Variants in NLRC4 observed in about 807,000 individuals in gnomAD.
NLRC4 encodes NLR family CARD domain containing 4.
In NLRC4, 63 loss-of-function variants were observed where a neutral mutation model predicts 79.9. The ratio of observed to expected loss-of-function variants is 0.79; its 90% CI spans 0.64 to 0.97. The LOEUF (loss-of-function observed/expected upper bound fraction) is 0.97. Among genes scored for constraint, NLRC4 ranks in the 50% least tolerant of loss-of-function variants. The probability of loss-of-function intolerance (pLI) is 0.00; values close to 1 mark genes in which losing one functional copy is unlikely to be tolerated. For synonymous variants in NLRC4, 461 were observed against 456.5 expected, an observed-to-expected ratio of 1.01 and a Z score of -0.12; for missense variants, 1,074 against 1,215.2, an observed-to-expected ratio of 0.88 and a Z score of 1.73.
In NLRC4 at chr2:32,235,552, C is replaced by T. The variant is rs544474213; in HGVS notation, c.2631G>A (p.Val877=). The change falls in exon 8 of 9, where the codon GTG becomes GTA. Residue 877 remains valine (V), a synonymous_variant. Coordinates refer to ENST00000402280, the MANE Select transcript of NLRC4 (RefSeq NM_001199138.2). ...ALHELIDRMN[V]LEQLTALMLP... ...GCATCAGTGCGGTGAGCTGTTCTAG[C>T]ACGTTCATCCTGTCGACTGGAAGAA... 4 of 1,613,730 alleles carry T rather than the reference C, an allele frequency of 2.5e-6. No individual in the cohort carries two copies. Among genetic ancestry groups the T allele is most frequent in the Admixed American group, 1.7e-5 (1 of 59,994 alleles).
intron 8 of NLRC4, among the ~76,000 whole-genome samples, chr2:32,229,219 C>T (rs191075478): frequency 9.0e-4 from 136 of 151,542 alleles, no homozygotes; most frequent in Middle Eastern, 3.4e-3. Context: ...CACTTGAGGT[C>T]GGGAGTTTGA....
Position 32,250,997 on chromosome 2 carries a change from C to G in NLRC4, c.867G>C (p.Gln289His). 6.2e-7 allele frequency: 1 copy of G among 1,614,190 alleles called. No homozygotes were observed. The highest frequency in any genetic ancestry group is 8.5e-7 in the Non-Finnish European group (1 of 1,180,040). ...TTTECLRHIR[Q>H]FGALTAEVGD... ...CCACCTCAGCAGTCAGGGCACCAAA[C>G]TGCCGTATGTGCCTCAGGCACTCAG... Residue 289 changes from glutamine (Q) to histidine (H), a missense_variant, in exon 4 of 9, where the codon CAG becomes CAC. Coordinates refer to ENST00000402280, the MANE Select transcript of NLRC4 (RefSeq NM_001199138.2). The surrounding 1 kb of genome is among the most constrained non-coding windows in gnomAD (Gnocchi z 4.9).
chr2:32,259,912 G>A (rs1687298674), intron 1 of NLRC4, among the ~76,000 whole-genome samples: 1 of 152,096 alleles, frequency 6.6e-6, no homozygotes, highest in African/African-American at 2.4e-5. Flanking sequence ...TCATTGCTTA[G>A]TAGTATTGTA....
At position 32,243,177 on chromosome 2, in the gene NLRC4, G is replaced by A. The variant is rs757734381; in HGVS notation, c.2258-2052C>T. Among the ~76,000 whole-genome samples the A allele has an allele frequency of 5.3e-5, 8 of 152,074 alleles. No individual in the cohort carries two copies. The East Asian group carries it at 1.3e-3, about 26-fold the overall frequency. On this transcript the variant is annotated intron_variant, in intron 4 of 8. Transcript: ENST00000402280. ...TGTAATCCCAGCACTTTGGGAGGGC[G>A]AGGCAGGCAAATCACGAGGTCAGGA...
At chr2:32,254,881 G>A (rs1223139293) in intron 2 of NLRC4, among the ~76,000 whole-genome samples, 1 of 151,728 alleles carries the variant, frequency 6.6e-6, no homozygotes, top group East Asian at 1.9e-4. Flanking sequence ...GCTTCCCAAA[G>A]TGCTAGGATT....
chr2:32,237,777 A>C lies in NLRC4; in HGVS notation c.2521+355T>G, dbSNP rs994959926. Among the ~76,000 whole-genome samples, 5 of 152,288 alleles carry C rather than the reference A, an allele frequency of 3.3e-5. No homozygotes were observed. The East Asian group carries it at 5.8e-4, about 18-fold the overall frequency. On this transcript the variant is annotated intron_variant, in intron 6 of 8. Coordinates refer to ENST00000402280, the MANE Select transcript of NLRC4 (RefSeq NM_001199138.2). ...CCTGAGATCATTTAAGAAAATCTTT[A>C]TCTCTCACTTCTCAATCATTTATCC...
Position 32,249,999 on chromosome 2 carries a change from G to A in NLRC4, c.1865C>T (p.Ala622Val). 3 of 1,614,212 alleles carry A rather than the reference G, an allele frequency of 1.9e-6. No individual in the cohort carries two copies. The highest frequency in any genetic ancestry group is 1.1e-5 in the South Asian group (1 of 91,092). ...IKLDFYGGAM[A>V]SWEKAAEDTG... is the part of the protein sequence containing the mutation. ...GTCTTCTGCAGCCTTTTCCCATGAAGCCATAGCTCCCCCATAAAAGTCCAG... is the reference window on the plus strand; with the variant it reads ...GTCTTCTGCAGCCTTTTCCCATGAAACCATAGCTCCCCCATAAAAGTCCAG... The change falls in exon 4 of 9, where the codon GCT becomes GTT. Residue 622 changes from alanine (A) to valine (V), a missense_variant. Physicochemically the swap from Ala to Val is moderately conservative, Grantham distance 64 (BLOSUM62 0). Coordinates refer to ENST00000402280, the MANE Select transcript of NLRC4 (RefSeq NM_001199138.2).
At chr2:32,246,517 G>A (rs763433747) in intron 4 of NLRC4, among the ~76,000 whole-genome samples, 24 of 152,202 alleles carry the variant, frequency 1.6e-4, no homozygotes, top group Non-Finnish European at 2.6e-4. Context: ...AATTGCTAGC[G>A]TTTGAAAACT....
chr2:32,239,051 T>C (rs1371882749), intron 5 of NLRC4, among the ~76,000 whole-genome samples: 1 of 152,106 alleles, frequency 6.6e-6, no homozygotes, highest in Non-Finnish European at 1.5e-5. Flanking sequence ...GAGGCAGTGA[T>C]AGGCGAATCA....
chr2:32,248,766 G>GA (rs754917669), intron 4 of NLRC4, among the ~76,000 whole-genome samples: 122 of 137,204 alleles, frequency 8.9e-4, no homozygotes, highest in Admixed American at 8.1e-4. Context: ...ACCCAACCTC[G>GA]AAAAAAAAAA....
chr2:32,238,665 G>GC (rs1235055551), intron 5 of NLRC4, among the ~76,000 whole-genome samples: 9 of 22,334 alleles, frequency 4.0e-4, no homozygotes, highest in East Asian at 3.9e-3. Context: ...CTTAAACAGC[G>GC]GGGGGGCTGA....
intron 4 of NLRC4, among the ~76,000 whole-genome samples, chr2:32,247,315 A>ATT (rs766365241): frequency 4.3e-5 from 6 of 138,214 alleles, no homozygotes; most frequent in African/African-American, 1.3e-4. Flanking sequence ...ATTTTTTTTA[A>ATT]TTTTTTTTTT....
At chr2:32,227,618 G>A (rs948774015) in intron 8 of NLRC4, among the ~76,000 whole-genome samples, 2 of 152,088 alleles carry the variant, frequency 1.3e-5, no homozygotes, top group African/African-American at 2.4e-5. Context: ...AGAATTTAAA[G>A]CCCATTCCAC....
intron 8 of NLRC4, among the ~76,000 whole-genome samples, chr2:32,225,483 C>A (rs1175498941): frequency 6.6e-6 from 1 of 151,204 alleles, no homozygotes; most frequent in Non-Finnish European, 1.5e-5. Context: ...ATTCTTTATC[C>A]CATGTTACCA....
At chr2:32,246,663 A>G (rs1406746059) in intron 4 of NLRC4, among the ~76,000 whole-genome samples, 1 of 152,224 alleles carries the variant, frequency 6.6e-6, no homozygotes, top group East Asian at 1.9e-4. Flanking sequence ...GTTATTTGGA[A>G]TTTGGGGAAG....
chr2:32,248,202 T>C (rs1045544566), intron 4 of NLRC4, among the ~76,000 whole-genome samples: 3 of 152,210 alleles, frequency 2.0e-5, no homozygotes, highest in African/African-American at 2.4e-5. Context: ...TATTCCTGGC[T>C]AATATTTCCA....
At chr2:32,244,548 A>AT in intron 4 of NLRC4, among the ~76,000 whole-genome samples, 1 of 152,112 alleles carries the variant, frequency 6.6e-6, no homozygotes, top group Admixed American at 6.5e-5. Flanking sequence ...ATAAGGCAAA[A>AT]AAAAAAAATA....
At chr2:32,238,371 T>C in intron 5 of NLRC4, 69 bp from the exon 6 acceptor site, 1 of 1,321,432 alleles carries the variant, frequency 7.6e-7, no homozygotes, top group Non-Finnish European at 1.1e-6. Context: ...ATTAATGAAC[T>C]GAAAAGAAAG....
Position 32,256,802 on chromosome 2 carries a change from T to C in NLRC4, c.-27A>G. The C allele has an allele frequency of 1.3e-6, 1 of 780,916 alleles. No individual in the cohort carries two copies. Among genetic ancestry groups the C allele is most frequent in the Non-Finnish European group, 2.4e-6 (1 of 418,066 alleles). The allele number at this position is 780,916 out of a possible 1,614,324, so 48.4% of individuals were successfully genotyped here. On this transcript the variant is annotated 5_prime_UTR_variant, in exon 2 of 9. Transcript: ENST00000402280. ...GTTCTGGATGAAAGCTTCCCACCTT[T>C]CTATAACACAATAGAAAATATTATT...
Sources: allele counts gnomAD v4.1 joint callset (sites outside exome capture counted in the v4.1 genomes callset), GRCh38; gene constraint gnomAD v4.1.1; non-coding constraint Gnocchi (gnomAD v3.1); transcripts MANE v1.5; gene names NCBI Gene and HGNC (gene_info 2026-07-23, HGNC 2026-07-21).